The following PSMD14 variants were observed in gnomAD, a reference collection of about 807,000 sequenced individuals.
The protein encoded by PSMD14 is ubiquitin C-terminal hydrolase PSMD14.
Under a neutral mutation model 41.2 loss-of-function variants are expected in PSMD14, and 7 were observed. The observed-to-expected ratio is 0.17, with a 90% CI of 0.10 to 0.32. The LOEUF (loss-of-function observed/expected upper bound fraction) is 0.32, where lower values mean the gene tolerates loss of function less well. PSMD14 is among the 10% of genes least tolerant of loss of function. The probability of loss-of-function intolerance (pLI) is 1.00; values close to 1 mark genes in which losing one functional copy is unlikely to be tolerated. For synonymous variants in PSMD14, 114 were observed against 122.3 expected, an observed-to-expected ratio of 0.93 and a Z score of 0.45; for missense variants, 139 against 375.6, an observed-to-expected ratio of 0.37 and a Z score of 5.21.
chr2:161,327,699 A>G (rs1424537579), intron 3 of PSMD14, among the ~76,000 whole-genome samples: 1 of 152,168 alleles, frequency 6.6e-6, no homozygotes, highest in Non-Finnish European at 1.5e-5. Context: ...GGATACTGGC[A>G]ACACATTAAT....
chr2:161,371,446 T>A, intron 7 of PSMD14, 124 bp downstream of exon 7: 6 of 968,568 alleles, frequency 6.2e-6, no homozygotes, highest in Admixed American at 3.1e-5. Context: ...TCTGTTTACT[T>A]AAAAAACAAA....
intron 3 of PSMD14, among the ~76,000 whole-genome samples, chr2:161,360,915 AT>A (rs1289223435): frequency 3.3e-5 from 5 of 152,196 alleles, no homozygotes; most frequent in Non-Finnish European, 7.3e-5. Context: ...TGGTTTTAGT[AT>A]TTTTAATTTG....
rs1418466910 is a variant in PSMD14, at chr2:161,335,674, G to A, written c.48+16801G>A. Among the ~76,000 whole-genome samples, 6 of 152,190 alleles carry A rather than the reference G, an allele frequency of 3.9e-5. 1 individual carries two copies. Among genetic ancestry groups the A allele is most frequent in the African/African-American group, 1.4e-4 (6 of 41,464 alleles). ...TATCTTTTGATTTACAAACCGTGTTGTAGTAAATATCTCATTGAAGACGTT... is the reference window on the plus strand; with the variant it reads ...TATCTTTTGATTTACAAACCGTGTTATAGTAAATATCTCATTGAAGACGTT... On this transcript the variant is annotated intron_variant, in intron 3 of 11. Coordinates refer to ENST00000409682, the MANE Select transcript of PSMD14 (RefSeq NM_005805.6).
In PSMD14 at chr2:161,324,309, C is replaced by G. The variant is rs1222561819; in HGVS notation, c.48+5436C>G. Reference sequence around the variant, plus strand: ...TTAAGTGCCTAGTACACATTAACTACTTTGAATCAGTGAAAGCTAATGCTC... The same window carrying G: ...TTAAGTGCCTAGTACACATTAACTAGTTTGAATCAGTGAAAGCTAATGCTC... On this transcript the variant is annotated intron_variant, in intron 3 of 11. Coordinates refer to ENST00000409682, the MANE Select transcript of PSMD14 (RefSeq NM_005805.6). Among the ~76,000 whole-genome samples, 7 of 152,154 alleles carry G rather than the reference C, an allele frequency of 4.6e-5. No individual in the cohort carries two copies. In the East Asian group the frequency reaches 9.6e-4, roughly 21 times the overall value.
rs1241407932 is a variant in PSMD14 at position 161,389,901 on chromosome 2, T to G, written c.571-1203T>G. Among the ~76,000 whole-genome samples the G allele has an allele frequency of 1.0e-3, 114 of 113,370 alleles. 4 individuals carry two copies. Among genetic ancestry groups the G allele is most frequent in the African/African-American group, 3.6e-3 (110 of 30,570 alleles). The allele number at this position is 113,370 out of a possible 152,430, so 74.4% of individuals were successfully genotyped here. A position where few individuals can be genotyped will look rare whatever the true frequency, so the allele number is the denominator to read the frequency against. On this transcript the variant is annotated intron_variant, in intron 8 of 11. Transcript: ENST00000409682. Reference sequence around the variant, plus strand: ...TTTCTTTTTTGTTGTTTTTTTTTTTTTTTTTTTTTTTAGAGATGGGGTATT... The same window carrying G: ...TTTCTTTTTTGTTGTTTTTTTTTTTGTTTTTTTTTTTAGAGATGGGGTATT...
rs566046077 is a variant in PSMD14, at chr2:161,352,545, A to G, written c.49-14933A>G. 3.9e-5 allele frequency among the ~76,000 whole-genome samples: 6 copies of G among 152,218 alleles called. No homozygotes were observed. In the South Asian group the frequency reaches 1.2e-3, roughly 32 times the overall value. On this transcript the variant is annotated intron_variant, in intron 3 of 11. Transcript: ENST00000409682. ...ATACTGTGTATTTTCTGTCTCCTAT[A>G]TTACATTTTAAGGACTAGGACCACA...
intron 3 of PSMD14, among the ~76,000 whole-genome samples, chr2:161,363,468 T>C (rs1473663189): frequency 6.6e-6 from 1 of 152,210 alleles, no homozygotes; most frequent in African/African-American, 2.4e-5. Flanking sequence ...CATCTTTTTA[T>C]CTTGGTCTGT....
intron 3 of PSMD14, among the ~76,000 whole-genome samples, chr2:161,319,730 T>C (rs1689183090): frequency 6.6e-6 from 1 of 152,210 alleles, no homozygotes; most frequent in African/African-American, 2.4e-5. Context: ...ACTTCATCTT[T>C]CTTCAAAGTA....
rs528796846 is a variant in PSMD14, at chr2:161,346,658, T to G, written c.49-20820T>G. 2.6e-5 allele frequency among the ~76,000 whole-genome samples: 4 copies of G among 151,634 alleles called. 1 individual carries two copies. The South Asian group carries it at 8.4e-4, about 32-fold the overall frequency. On this transcript the variant is annotated intron_variant, in intron 3 of 11. Transcript: ENST00000409682. ...ATTACTTGGAAACTGTTTGATTCTT[T>G]CTAGTTTTGCTTTTAACCCTTGCTA...
intron 3 of PSMD14, among the ~76,000 whole-genome samples, chr2:161,330,541 A>C (rs935366327): frequency 3.3e-5 from 5 of 152,114 alleles, no homozygotes; most frequent in Admixed American, 3.3e-4. Context: ...TTTTCAGTTC[A>C]TGTTATCATT....
chr2:161,330,586 C>T (rs545353365), intron 3 of PSMD14, among the ~76,000 whole-genome samples: 15 of 152,192 alleles, frequency 9.9e-5, no homozygotes, highest in African/African-American at 3.6e-4. Flanking sequence ...TCATTTAAAA[C>T]CCAAGCAGGT....
chr2:161,389,330 A>G (rs779444387), intron 8 of PSMD14, among the ~76,000 whole-genome samples: 1 of 152,160 alleles, frequency 6.6e-6, no homozygotes. Context: ...ACGCCAGACT[A>G]TGTCTGCTTA....
At chr2:161,399,291 C>T (rs947525814) in intron 10 of PSMD14, among the ~76,000 whole-genome samples, 1 of 152,030 alleles carries the variant, frequency 6.6e-6, no homozygotes, top group South Asian at 2.1e-4. Context: ...AATTTGATAA[C>T]ATGACATTAA....
intron 3 of PSMD14, among the ~76,000 whole-genome samples, chr2:161,331,102 C>T (rs1014988884): frequency 1.3e-5 from 2 of 152,108 alleles, no homozygotes; most frequent in African/African-American, 4.8e-5. Flanking sequence ...TTTTTGTTGT[C>T]ATTGTATAGC....
At chr2:161,336,277 G>C (rs1046640298) in intron 3 of PSMD14, among the ~76,000 whole-genome samples, 1 of 152,032 alleles carries the variant, frequency 6.6e-6, no homozygotes, top group African/African-American at 2.4e-5. Context: ...GTGGTGCCTT[G>C]CCTGTCAGCT....
chr2:161,400,090 G>T (rs1368072232), intron 10 of PSMD14, among the ~76,000 whole-genome samples: 2 of 152,108 alleles, frequency 1.3e-5, no homozygotes, highest in Non-Finnish European at 2.9e-5. Context: ...TTCAGTTTTT[G>T]CATTAAACAA....
chr2:161,346,188 A>AT (rs1017840495), intron 3 of PSMD14, among the ~76,000 whole-genome samples: 1 of 151,968 alleles, frequency 6.6e-6, no homozygotes, highest in Non-Finnish European at 1.5e-5. Context: ...CGGCCATTTA[A>AT]TTTTTTTGTT....
chr2:161,310,600 A>G (rs1574110145), intron 1 of PSMD14, among the ~76,000 whole-genome samples: 1 of 152,248 alleles, frequency 6.6e-6, no homozygotes, highest in African/African-American at 2.4e-5. Flanking sequence ...AATAATAACA[A>G]TTATAACAAG....
intron 3 of PSMD14, among the ~76,000 whole-genome samples, chr2:161,320,821 G>C (rs559942643): frequency 5.7e-4 from 87 of 152,114 alleles, no homozygotes; most frequent in African/African-American, 2.1e-3. Context: ...TGCCTCCTGG[G>C]TTCAAGTGAT....
Sources: gnomAD v4.1 joint callset for allele counts (sites outside exome capture counted in the v4.1 genomes callset) on GRCh38, gnomAD v4.1.1 for gene constraint, MANE v1.5 for transcripts, NCBI Gene and HGNC (gene_info 2026-07-23, HGNC 2026-07-21) for gene names.